The following TMEFF1 variants were observed in gnomAD, a reference collection of about 807,000 sequenced individuals.
TMEFF1 encodes the protein transmembrane protein with EGF like and two follistatin like domains 1.
In TMEFF1, 20 loss-of-function variants were observed where a neutral mutation model predicts 47.5. That is an observed-to-expected ratio of 0.42 (90% confidence interval 0.30 to 0.61). TMEFF1 has a LOEUF of 0.61. Ranked by LOEUF, TMEFF1 falls within the 20% of genes least tolerant of loss-of-function variation. The pLI is 0.19. For missense variants in TMEFF1, 411 were observed against 471.1 expected (o/e 0.87, Z 1.18); for synonymous variants, 162 against 166.3 (o/e 0.97, Z 0.20).
intron 1 of TMEFF1, among the ~76,000 whole-genome samples, chr9:100,486,560 T>C (rs1042857682): frequency 3.9e-5 from 6 of 152,198 alleles, no homozygotes; most frequent in African/African-American, 1.4e-4. Flanking sequence ...TAAAAAAATA[T>C]TCATGTTGTT....
intron 4 of TMEFF1, among the ~76,000 whole-genome samples, chr9:100,515,227 G>T (rs1838044038): frequency 1.3e-5 from 2 of 152,188 alleles, no homozygotes; most frequent in East Asian, 1.9e-4. Context: ...GAGAGCATGA[G>T]TTAGAAGGGC....
intron 1 of TMEFF1, among the ~76,000 whole-genome samples, chr9:100,492,982 A>C (rs1489533461): frequency 6.6e-6 from 1 of 152,090 alleles, no homozygotes. Flanking sequence ...TATTTGACTA[A>C]TTTTCCTTGT....
intron 4 of TMEFF1, among the ~76,000 whole-genome samples, chr9:100,515,337 G>A (rs1838046395): frequency 6.6e-6 from 1 of 152,052 alleles, no homozygotes; most frequent in East Asian, 1.9e-4. Flanking sequence ...AATTACTTAG[G>A]ATGATAATCC....
chr9:100,556,540 G>A (rs1394292951), intron 7 of TMEFF1, among the ~76,000 whole-genome samples: 1 of 152,004 alleles, frequency 6.6e-6, no homozygotes, highest in Non-Finnish European at 1.5e-5. Flanking sequence ...AACAGATGTG[G>A]GGAAGTCTAC....
intron 1 of TMEFF1, among the ~76,000 whole-genome samples, chr9:100,474,632 C>T (rs1448640319): frequency 6.6e-6 from 1 of 151,832 alleles, no homozygotes; most frequent in Non-Finnish European, 1.5e-5. Flanking sequence ...CAGGGAATGC[C>T]CTTGTGTAGC....
At chr9:100,491,274 A>G (rs1191782562) in intron 1 of TMEFF1, among the ~76,000 whole-genome samples, 2 of 152,098 alleles carry the variant, frequency 1.3e-5, no homozygotes, top group Non-Finnish European at 2.9e-5. Flanking sequence ...TTGTTCTGGG[A>G]GTGAAACCAT....
chr9:100,525,844 A>G (rs1309972066), intron 5 of TMEFF1, among the ~76,000 whole-genome samples: 1 of 152,210 alleles, frequency 6.6e-6, no homozygotes, highest in African/African-American at 2.4e-5. Context: ...TATACCAGGA[A>G]CTGGGAACAA....
chr9:100,529,610 C>T lies in TMEFF1; in HGVS notation c.560+12839C>T, dbSNP rs1838337390. ...CATAAAGCAAGTCCTGAGTGACCTA[C>T]AGAGAGACTTAGACTCCCACACATT... On this transcript the variant is annotated intron_variant, in intron 5 of 9. Coordinates refer to ENST00000374879, the MANE Select transcript of TMEFF1 (RefSeq NM_003692.5). Among the ~76,000 whole-genome samples, 4 of 152,102 alleles carry T rather than the reference C, an allele frequency of 2.6e-5. No individual in the cohort carries two copies. The South Asian group carries it at 8.3e-4, about 32-fold the overall frequency.
intron 4 of TMEFF1, 63 bp downstream of exon 4, chr9:100,513,396 T>TC: frequency 1.4e-6 from 2 of 1,404,002 alleles, no homozygotes; most frequent in South Asian, 1.5e-5. Flanking sequence ...TCTTTTTCTT[T>TC]TTTTTTTTTT....
At chr9:100,496,533 C>T (rs1045711032) in intron 1 of TMEFF1, among the ~76,000 whole-genome samples, 3 of 152,252 alleles carry the variant, frequency 2.0e-5, no homozygotes, top group Admixed American at 2.0e-4. Context: ...AGCCACCAGG[C>T]CCAGCCAGTG....
chr9:100,532,588 A>G (rs1188773682), intron 5 of TMEFF1, among the ~76,000 whole-genome samples: 1 of 151,900 alleles, frequency 6.6e-6, no homozygotes, highest in Non-Finnish European at 1.5e-5. Flanking sequence ...TCAGGAAACA[A>G]CAGGTGCTGG....
intron 1 of TMEFF1, among the ~76,000 whole-genome samples, chr9:100,487,114 CT>C (rs1234184285): frequency 3.3e-5 from 5 of 151,592 alleles, no homozygotes; most frequent in African/African-American, 7.3e-5. Flanking sequence ...TTTTCTATAG[CT>C]TTTTTTCTTC....
At chr9:100,567,867 G>A (rs138467263) in intron 8 of TMEFF1, among the ~76,000 whole-genome samples, 5,060 of 152,160 alleles carry the variant, frequency 0.033, 260 homozygotes, top group African/African-American at 0.12. Flanking sequence ...CACGTGGCTG[G>A]GGAGGCCTCA....
chr9:100,498,173 T>G (rs1298359505), intron 1 of TMEFF1, among the ~76,000 whole-genome samples: 2 of 152,116 alleles, frequency 1.3e-5, no homozygotes, highest in Non-Finnish European at 2.9e-5. Context: ...TTCAGTCCAT[T>G]AAAAGTTTTA....
intron 5 of TMEFF1, among the ~76,000 whole-genome samples, chr9:100,531,077 G>A (rs908748671): frequency 6.6e-6 from 1 of 151,836 alleles, no homozygotes; most frequent in African/African-American, 2.4e-5. Flanking sequence ...GGTATTGATG[G>A]GACATATTTC....
chr9:100,476,435 C>A (rs1349444769), intron 1 of TMEFF1, among the ~76,000 whole-genome samples: 2 of 151,978 alleles, frequency 1.3e-5, no homozygotes, highest in Non-Finnish European at 2.9e-5. Flanking sequence ...CACTTTGTCA[C>A]CCAGGCTAGA....
intron 4 of TMEFF1, 98 bp downstream of exon 4, chr9:100,513,431 T>A: frequency 3.3e-6 from 4 of 1,210,356 alleles, no homozygotes; most frequent in South Asian, 1.5e-5. Flanking sequence ...TGAGATATAA[T>A]TCACATACCA....
At chr9:100,513,367 TTTTCTTTC>T (rs560494398) in intron 4 of TMEFF1, 34 bp downstream of exon 4, 5 of 1,545,180 alleles carry the variant, frequency 3.2e-6, no homozygotes, top group South Asian at 2.6e-5. Flanking sequence ...GGATATTTGC[TTTTCTTTC>T]TTTCTTTCTT....
chr9:100,540,917 T>C, intron 5 of TMEFF1, among the ~76,000 whole-genome samples: 1 of 152,236 alleles, frequency 6.6e-6, no homozygotes, highest in East Asian at 1.9e-4. Flanking sequence ...ACATATATTA[T>C]TTAAAAAATT....
Sources: gnomAD v4.1 joint callset for allele counts (sites outside exome capture counted in the v4.1 genomes callset) on GRCh38, gnomAD v4.1.1 for gene constraint, MANE v1.5 for transcripts, NCBI Gene and HGNC (gene_info 2026-07-23, HGNC 2026-07-21) for gene names.